The following SLC2A11 variants were observed in gnomAD, a reference collection of about 807,000 sequenced individuals.
SLC2A11 encodes the protein solute carrier family 2, facilitated glucose transporter member 11.
In SLC2A11, 43 loss-of-function variants were observed where a neutral mutation model predicts 52.1. That is an observed-to-expected ratio of 0.82 (90% CI 0.65 to 1.06). The LOEUF is 1.06. Among genes scored for constraint, SLC2A11 ranks in the 50% least tolerant of loss-of-function variants. The probability of loss-of-function intolerance (pLI) is 0.00; values close to 1 mark genes in which losing one functional copy is unlikely to be tolerated. For synonymous variants in SLC2A11, 261 were observed against 277.6 expected (o/e 0.94, Z 0.59); for missense variants, 582 against 654.2 (o/e 0.89, Z 1.20).
chr22:23,877,281 G>A, intron 5 of SLC2A11, 110 bp downstream of exon 5: 1 of 1,528,892 alleles, frequency 6.5e-7, no homozygotes, highest in Admixed American at 1.8e-5. Flanking sequence ...TTATTGCTTT[G>A]CATGAAGGCA....
intron 1 of SLC2A11, 65 bp downstream of exon 1, chr22:23,858,094 T>G: frequency 6.5e-7 from 1 of 1,542,756 alleles, no homozygotes; most frequent in South Asian, 1.2e-5. Flanking sequence ...CTGAGTGAAC[T>G]GCGCAGGTGC....
intron 3 of SLC2A11, chr22:23,872,790 CTT>C (rs2032497540): frequency 2.0e-5 from 3 of 152,240 alleles, no homozygotes; most frequent in African/African-American, 7.2e-5. Context: ...GCTGCCACCT[CTT>C]AGTCCTCTAG....
intron 2 of SLC2A11, chr22:23,866,655 G>A (rs1246631778): frequency 1.3e-5 from 2 of 152,772 alleles, no homozygotes; most frequent in East Asian, 3.8e-4. Flanking sequence ...GGTTGCTCAT[G>A]TCTGTAATCC....
At chr22:23,883,571 C>T in intron 8 of SLC2A11, 1 of 517,484 alleles carries the variant, frequency 1.9e-6, no homozygotes, top group Non-Finnish European at 3.4e-6. Context: ...TCACTTCCAG[C>T]ACCATTTTGA....
Position 23,857,983 on chromosome 22 carries a change from T to C in SLC2A11, c.-17T>C, listed in dbSNP as rs1259318761. On this transcript the variant is annotated 5_prime_UTR_variant, in exon 1 of 12. Coordinates refer to ENST00000316185, the MANE Select transcript of SLC2A11 (RefSeq NM_001024939.4). ...CTCCCTGGGACAGCAAGACCTCCGC[T>C]CAGGCCCCTCTTTCGAATGCTCCAC... The C allele has an allele frequency of 6.3e-7, 1 of 1,591,608 alleles. No individual in the cohort carries two copies. Among genetic ancestry groups the C allele is most frequent in the African/African-American group, 1.3e-5 (1 of 74,198 alleles).
intron 2 of SLC2A11, chr22:23,865,113 A>AAAAAAC (rs1265537976): frequency 3.4e-5 from 5 of 146,420 alleles, no homozygotes; most frequent in Non-Finnish European, 7.5e-5. Context: ...TCAAAAAAAA[A>AAAAAAC]AAAAAAAAAA....
intron 2 of SLC2A11, 172 bp from the exon 3 acceptor site, chr22:23,868,309 G>T: frequency 1.5e-6 from 1 of 673,178 alleles, no homozygotes. Context: ...CCCTGCACAA[G>T]GGAGGTGCTC....
Position 23,885,105 on chromosome 22 carries a change from C to A in SLC2A11, c.*256C>A. ...TGGCAGCTCATGACTGTAATCCCAG[C>A]ACTTTGGGAGGCCAAGGTGGGAGGA... is the stretch of plus-strand genomic sequence containing the variant. On this transcript the variant is annotated 3_prime_UTR_variant, in exon 12 of 12. Transcript: ENST00000316185. The A allele has an allele frequency of 1.9e-6, 1 of 534,832 alleles. No individual in the cohort carries two copies. Among genetic ancestry groups the A allele is most frequent in the Non-Finnish European group, 3.3e-6 (1 of 304,880 alleles). 33.1% of individuals were successfully genotyped at this position (534,832 alleles called of 1,614,324 possible). A position where few individuals can be genotyped will look rare whatever the true frequency, so the allele number is the denominator to read the frequency against.
chr22:23,857,708 G>A, upstream of SLC2A11: 1 of 719,298 alleles, frequency 1.4e-6, no homozygotes, highest in Non-Finnish European at 1.7e-6. Context: ...GCGGCTCTGC[G>A]CTTCACTGCG....
intron 2 of SLC2A11, among the ~76,000 whole-genome samples, chr22:23,864,843 C>T (rs1295497364): frequency 6.6e-6 from 1 of 152,092 alleles, no homozygotes; most frequent in Non-Finnish European, 1.5e-5. Flanking sequence ...CGTGGTGGCT[C>T]ATGCCTGTAA....
At chr22:23,862,024 A>G (rs2032085136) in intron 1 of SLC2A11, 80 bp from the exon 2 acceptor site, 3 of 1,144,786 alleles carry the variant, frequency 2.6e-6, no homozygotes, top group Admixed American at 1.7e-5. Context: ...ATAAATTGCA[A>G]TGCTGTGATT....
At chr22:23,857,794 T>G, upstream of SLC2A11, 6 of 1,454,220 alleles carry the variant, frequency 4.1e-6, no homozygotes, top group Non-Finnish European at 5.4e-6. Context: ...GCGGCCGCTC[T>G]CAATACCCAC....
Position 23,858,032 on chromosome 22 carries a change from A to G in SLC2A11, c.30+3A>G. On this transcript the variant is annotated splice_donor_region_variant and intron_variant, in intron 1 of 11. Transcript: ENST00000316185. The stretch of plus-strand genomic sequence containing the variant: ...ACGCCCTCCTGCGATCTAGAATGGT[A>G]TGAATTCTCATACTTGCCCAGACCA... 3 of 1,561,628 alleles carry G rather than the reference A, an allele frequency of 1.9e-6. No homozygotes were observed. The highest frequency in any genetic ancestry group is 2.6e-6 in the Non-Finnish European group (3 of 1,152,554).
chr22:23,869,383 G>A (rs1462074905), intron 3 of SLC2A11: 2 of 152,898 alleles, frequency 1.3e-5, no homozygotes, highest in East Asian at 3.8e-4. Context: ...GGCTACTCGG[G>A]AGGCTGAGGC....
At chr22:23,882,422 G>A (rs2032844139) in intron 6 of SLC2A11, 37 bp from the exon 7 acceptor site, 8 of 1,477,886 alleles carry the variant, frequency 5.4e-6, no homozygotes, top group Non-Finnish European at 7.2e-6. Context: ...AGAGGGGCTT[G>A]GGGACGGGGA....
rs556750563 is a variant in SLC2A11 at position 23,884,926 on chromosome 22, C to T, written c.*77C>T. 4 of 1,221,848 alleles carry T rather than the reference C, an allele frequency of 3.3e-6. No homozygotes were observed. The African/African-American group carries it at 4.5e-5, about 14-fold the overall frequency. 75.7% of individuals were successfully genotyped at this position (1,221,848 alleles called of 1,614,324 possible). ...CCTGCCAGGGCCCTGGTCCTCACTC[C>T]CTCCTGCATTCCTCATTTAAGGAGT... On this transcript the variant is annotated 3_prime_UTR_variant, in exon 12 of 12. Coordinates refer to ENST00000316185, the MANE Select transcript of SLC2A11 (RefSeq NM_001024939.4). The surrounding 1 kb of genome is among the most constrained non-coding windows in gnomAD (Gnocchi z 4.3).
chr22:23,857,133 C>T (rs2146095766), upstream of SLC2A11: 1 of 1,186,006 alleles, frequency 8.4e-7, no homozygotes, highest in East Asian at 2.6e-5. Flanking sequence ...GCTTGGCCCT[C>T]CGGAGAACGC....
At chr22:23,870,007 G>A (rs1421861200) in intron 3 of SLC2A11, 2 of 717,386 alleles carry the variant, frequency 2.8e-6, no homozygotes, top group Admixed American at 4.0e-5. Flanking sequence ...ATCTCCCAAA[G>A]GCCCACCTCT....
At position 23,868,543 on chromosome 22, in the gene SLC2A11, C is replaced by T; in HGVS notation, c.192C>T (p.His64=). Residue 64 remains histidine (H), a synonymous_variant, in exon 3 of 12, where the codon CAC becomes CAT. Coordinates refer to ENST00000316185, the MANE Select transcript of SLC2A11 (RefSeq NM_001024939.4). ...GTACTGGAGAGCCACTGCCCGATCA[C>T]CTAGTCCTGCTTATGTGGTCCCTCA... ...QARTGEPLPD[H]LVLLMWSLIV... 6.2e-7 allele frequency: 1 copy of T among 1,614,248 alleles called. No individual in the cohort carries two copies. Among genetic ancestry groups the T allele is most frequent in the Non-Finnish European group, 8.5e-7 (1 of 1,180,050 alleles).
Sources: allele counts gnomAD v4.1 joint callset (sites outside exome capture counted in the v4.1 genomes callset), GRCh38; gene constraint gnomAD v4.1.1; non-coding constraint Gnocchi (gnomAD v3.1); transcripts MANE v1.5; gene names NCBI Gene and HGNC (gene_info 2026-07-23, HGNC 2026-07-21).